CFAP54: variants seen among roughly 807,000 people sequenced by gnomAD.
CFAP54 encodes cilia and flagella associated protein 54.
Under a neutral mutation model 370.4 loss-of-function variants are expected in CFAP54, and 290 were observed. The observed-to-expected ratio is 0.78, with a 90% CI of 0.71 to 0.86. CFAP54 has a LOEUF of 0.86. Ranked by LOEUF, CFAP54 falls within the 40% of genes least tolerant of loss-of-function variation. The pLI, the probability that CFAP54 is intolerant of heterozygous loss-of-function variation, is 0.00. For missense variants in CFAP54, 3,399 were observed against 3,528.7 expected, an observed-to-expected ratio of 0.96 and a Z score of 0.93; for synonymous variants, 1,206 against 1,236.5, an observed-to-expected ratio of 0.98 and a Z score of 0.52.
chr12:96,769,183 C>T (rs973936774), intron 60 of CFAP54, among the ~76,000 whole-genome samples: 19 of 151,968 alleles, frequency 1.3e-4, no homozygotes, highest in Non-Finnish European at 2.6e-4. Context: ...ATACTCTTAT[C>T]ATTTTGTCTT....
At chr12:96,616,854 AAGG>A (rs1473530969) in intron 26 of CFAP54, among the ~76,000 whole-genome samples, 1 of 152,204 alleles carries the variant, frequency 6.6e-6, no homozygotes, top group Admixed American at 6.5e-5. Flanking sequence ...GGAATGACAT[AAGG>A]AGATTTGTAT....
At chr12:96,720,349 G>C (rs147105303) in intron 49 of CFAP54, 56 bp from the exon 50 acceptor site, 1 of 1,275,686 alleles carries the variant, frequency 7.8e-7, no homozygotes, top group Non-Finnish European at 1.0e-6. Flanking sequence ...AAAGAAGAAA[G>C]AGACAGTATT....
At chr12:96,857,275 T>TCC in intron 66 of CFAP54, among the ~76,000 whole-genome samples, 1 of 152,164 alleles carries the variant, frequency 6.6e-6, no homozygotes, top group African/African-American at 2.4e-5. Context: ...ATCTTTTCTG[T>TCC]TCCTCTGCCT....
At chr12:96,736,600 G>A (rs966568327) in intron 50 of CFAP54, among the ~76,000 whole-genome samples, 1 of 152,158 alleles carries the variant, frequency 6.6e-6, no homozygotes, top group African/African-American at 2.4e-5. Context: ...ATATAAAATT[G>A]AACTATAAAT....
intron 32 of CFAP54, among the ~76,000 whole-genome samples, chr12:96,638,590 G>T (rs1028523086): frequency 2.6e-5 from 4 of 151,880 alleles, no homozygotes; most frequent in African/African-American, 7.3e-5. Flanking sequence ...AGTTCTATAT[G>T]TTTTTAAATT....
chr12:96,578,737 G>T (rs144743206), intron 20 of CFAP54, among the ~76,000 whole-genome samples: 1 of 152,262 alleles, frequency 6.6e-6, no homozygotes, highest in Admixed American at 6.5e-5. Context: ...GGTGCTATGG[G>T]CTTAAATAAG....
At chr12:96,585,983 C>T (rs932954361) in intron 22 of CFAP54, among the ~76,000 whole-genome samples, 2 of 152,128 alleles carry the variant, frequency 1.3e-5, no homozygotes, top group African/African-American at 4.8e-5. Context: ...GAGTCTCTAA[C>T]AACCTTGTTA....
At position 96,679,603 on chromosome 12, in the gene CFAP54, A is replaced by G; in HGVS notation, c.5567A>G (p.Tyr1856Cys). The G allele has an allele frequency of 6.2e-7, 1 of 1,611,212 alleles. No homozygotes were observed. Among genetic ancestry groups the G allele is most frequent in the Non-Finnish European group, 8.5e-7 (1 of 1,178,802 alleles). ...DLLKMLISSEYSRAKALVCVP... is the reference protein window; with the variant it reads ...DLLKMLISSECSRAKALVCVP... The stretch of plus-strand genomic sequence containing the variant: ...TTCCGCTTTTCTTTCCTTTCAGAAT[A>G]CAGCCGAGCCAAAGCGCTTGTCTGC... Residue 1856 changes from tyrosine (Y) to cysteine (C), a missense_variant, in exon 40 of 68, where the codon TAC becomes TGC. Transcript: ENST00000524981.
chr12:96,556,101 T>A (rs568554968), intron 17 of CFAP54, among the ~76,000 whole-genome samples: 65 of 152,012 alleles, frequency 4.3e-4, no homozygotes, highest in African/African-American at 1.5e-3. Context: ...CACAAAAATA[T>A]CTTCCAGATG....
chr12:96,853,926 A>C (rs1245273550), intron 66 of CFAP54, among the ~76,000 whole-genome samples: 1 of 151,856 alleles, frequency 6.6e-6, no homozygotes, highest in Admixed American at 6.6e-5. Flanking sequence ...AGAGACCAAA[A>C]TGCTCTATTT....
chr12:96,746,954 C>G (rs1958121437), intron 55 of CFAP54, among the ~76,000 whole-genome samples: 1 of 152,160 alleles, frequency 6.6e-6, no homozygotes, highest in Non-Finnish European at 1.5e-5. Context: ...TCCTGAACCC[C>G]AAGACTGGGT....
intron 32 of CFAP54, among the ~76,000 whole-genome samples, chr12:96,631,738 A>G (rs1480401811): frequency 6.7e-6 from 1 of 149,294 alleles, no homozygotes; most frequent in Non-Finnish European, 1.5e-5. Context: ...TATATTATAT[A>G]TTGTATAATA....
rs935940014 is a variant in CFAP54 at position 96,623,747 on chromosome 12, C to T, written c.3772-20C>T. 3.3e-5 allele frequency: 41 copies of T among 1,261,050 alleles called. No individual in the cohort carries two copies. The highest frequency in any genetic ancestry group is 2.4e-4 in the African/African-American group (16 of 67,072). The allele number at this position is 1,261,050 out of a possible 1,614,324, so 78.1% of individuals were successfully genotyped here. Reference sequence around the variant, plus strand: ...TGCAACACGTTAAAGTACATTTTGACGTTTAACCAATGTTTTTAGGATTCT... The same window carrying T: ...TGCAACACGTTAAAGTACATTTTGATGTTTAACCAATGTTTTTAGGATTCT... On this transcript the variant is annotated intron_variant, in intron 27 of 67. Coordinates refer to ENST00000524981, the MANE Select transcript of CFAP54 (RefSeq NM_001306084.2).
At chr12:96,700,812 A>G (rs1957483666) in intron 46 of CFAP54, among the ~76,000 whole-genome samples, 1 of 152,150 alleles carries the variant, frequency 6.6e-6, no homozygotes, top group Admixed American at 6.5e-5. Flanking sequence ...AGGAAATGGG[A>G]GAAGGTAGCA....
At chr12:96,700,733 TG>T (rs1592715108) in intron 46 of CFAP54, among the ~76,000 whole-genome samples, 1 of 152,198 alleles carries the variant, frequency 6.6e-6, no homozygotes, top group African/African-American at 2.4e-5. Flanking sequence ...TTAGTCTTCA[TG>T]GTGGTCTGGG....
In CFAP54 at chr12:96,626,886, A is replaced by G. The variant is rs747969137; in HGVS notation, c.4050A>G (p.Glu1350=). Reference sequence around the variant, plus strand: ...TTATGCTAAAATGCATGAATGAGGAAAAATTTCATCTTATGGTAGAGGTAA... The same window carrying G: ...TTATGCTAAAATGCATGAATGAGGAGAAATTTCATCTTATGGTAGAGGTAA... ...TQVMLKCMNE[E]KFHLMVEVTT... Residue 1350 remains glutamate (E), a synonymous_variant, in exon 30 of 68, where the codon GAA becomes GAG. Transcript: ENST00000524981. The G allele has an allele frequency of 7.0e-7, 1 of 1,433,496 alleles. No individual in the cohort carries two copies. Among genetic ancestry groups the G allele is most frequent in the South Asian group, 1.5e-5 (1 of 67,254 alleles). 88.8% of individuals were successfully genotyped at this position (1,433,496 alleles called of 1,614,324 possible).
chr12:96,573,837 C>T (rs188852392), intron 19 of CFAP54, among the ~76,000 whole-genome samples: 1 of 152,228 alleles, frequency 6.6e-6, no homozygotes, highest in East Asian at 1.9e-4. Context: ...AACATGGTTA[C>T]CATGTAACAC....
intron 66 of CFAP54, among the ~76,000 whole-genome samples, chr12:96,844,582 G>A (rs1237793960): frequency 6.6e-6 from 1 of 152,198 alleles, no homozygotes; most frequent in East Asian, 1.9e-4. Flanking sequence ...TACAGCAGCA[G>A]TAAGAAATGA....
At chr12:96,697,216 G>T (rs34404831) in intron 45 of CFAP54, among the ~76,000 whole-genome samples, 40,712 of 152,024 alleles carry the variant, frequency 0.27, 5,722 homozygotes, top group African/African-American at 0.33. Context: ...TTACCCAATT[G>T]ATTTTTCAAA....
Sources: gnomAD v4.1 joint callset for allele counts (sites outside exome capture counted in the v4.1 genomes callset) on GRCh38, gnomAD v4.1.1 for gene constraint, MANE v1.5 for transcripts, NCBI Gene and HGNC (gene_info 2026-07-23, HGNC 2026-07-21) for gene names.